The following RBFOX1 variants were observed in gnomAD, a reference collection of about 807,000 sequenced individuals.
The protein encoded by RBFOX1 is RNA binding protein fox-1 homolog 1.
Under a neutral mutation model 57.7 loss-of-function variants are expected in RBFOX1, and 8 were observed. The observed-to-expected ratio is 0.14, with a 90% CI of 0.08 to 0.25. RBFOX1 has a LOEUF of 0.25. RBFOX1 is among the 10% of genes least tolerant of loss of function. The probability of loss-of-function intolerance (pLI) is 1.00; values close to 1 mark genes in which losing one functional copy is unlikely to be tolerated. For missense variants in RBFOX1, 611 were observed against 548.5 expected (o/e 1.11, Z -1.14); for synonymous variants, 326 against 222.4 (o/e 1.47, Z -4.15).
intron 2 of RBFOX1, among the ~76,000 whole-genome samples, chr16:6,616,537 A>G (rs12926114): frequency 0.19 from 28,274 of 152,148 alleles, 3,076 homozygotes; most frequent in Middle Eastern, 0.24. Context: ...TTAGCCAGGC[A>G]TGGTGGCGGG....
In RBFOX1 at chr16:5,689,517, T is replaced by C. The variant is rs116678835; in HGVS notation, c.318+90556T>C. On this transcript the variant is annotated intron_variant, in intron 3 of 19. Transcript: ENST00000641259. The stretch of plus-strand genomic sequence containing the variant: ...AAGATTGTCTGGTATGTGGGAAATA[T>C]TACACTGAACTGAATAGGAGGTCTT... 6.9e-3 allele frequency among the ~76,000 whole-genome samples: 1,049 copies of C among 152,244 alleles called. 10 individuals carry two copies. The highest frequency in any genetic ancestry group is 0.023 in the African/African-American group (955 of 41,534).
intron 3 of RBFOX1, among the ~76,000 whole-genome samples, chr16:6,996,081 G>C (rs1469138879): frequency 6.6e-6 from 1 of 152,190 alleles, no homozygotes; most frequent in South Asian, 2.1e-4. Flanking sequence ...AAGACCATCA[G>C]TGATCCAAGT....
intron 12 of RBFOX1, among the ~76,000 whole-genome samples, chr16:7,661,759 T>C (rs740677): frequency 0.52 from 78,635 of 152,096 alleles, 21,618 homozygotes; most frequent in Non-Finnish European, 0.62. Context: ...AGTATGTATT[T>C]GGCTTGTTTG....
intron 1 of RBFOX1, among the ~76,000 whole-genome samples, chr16:6,082,261 A>T (rs1597120153): frequency 7.1e-6 from 1 of 140,776 alleles, no homozygotes; most frequent in Admixed American, 7.3e-5. Flanking sequence ...GCTCATTGCA[A>T]CCTCTGCCTC....
At chr16:7,184,858 T>C (rs1243263523) in intron 4 of RBFOX1, among the ~76,000 whole-genome samples, 1 of 152,174 alleles carries the variant, frequency 6.6e-6, no homozygotes, top group Non-Finnish European at 1.5e-5. Flanking sequence ...TGTGTTGAAG[T>C]GTTACTAACA....
intron 3 of RBFOX1, among the ~76,000 whole-genome samples, chr16:6,994,624 T>C (rs1416412235): frequency 1.3e-5 from 2 of 152,194 alleles, no homozygotes; most frequent in Non-Finnish European, 2.9e-5. Context: ...AGTGTTTTGA[T>C]TACATCAATA....
At chr16:6,336,607 A>C (rs1268685418) in intron 2 of RBFOX1, among the ~76,000 whole-genome samples, 1 of 152,106 alleles carries the variant, frequency 6.6e-6, no homozygotes, top group East Asian at 1.9e-4. Context: ...GCCTCATCAC[A>C]CACCACCCGG....
chr16:6,531,772 C>G (rs1567579390), intron 2 of RBFOX1, among the ~76,000 whole-genome samples: 1 of 152,102 alleles, frequency 6.6e-6, no homozygotes. Context: ...AAGTAATTAT[C>G]CTTCGTGTAT....
intron 4 of RBFOX1, among the ~76,000 whole-genome samples, chr16:7,115,219 A>C (rs1037158131): frequency 2.6e-5 from 4 of 152,196 alleles, no homozygotes; most frequent in African/African-American, 9.6e-5. Context: ...GGATGTAAGT[A>C]AGGGGTGGAC....
chr16:7,368,779 CA>C (rs5815399), intron 4 of RBFOX1, among the ~76,000 whole-genome samples: 25,014 of 126,964 alleles, frequency 0.2, 2,046 homozygotes, highest in Middle Eastern at 0.24. Context: ...GACTCTGTCT[CA>C]AAAAAAAAAA....
chr16:7,652,533 A>G (rs1054383514), intron 11 of RBFOX1, among the ~76,000 whole-genome samples: 1 of 152,112 alleles, frequency 6.6e-6, no homozygotes, highest in African/African-American at 2.4e-5. Context: ...TCAGCCTCCC[A>G]AGTAGCGGGA....
At chr16:5,929,348 A>T (rs1242636840) in intron 4 of RBFOX1, among the ~76,000 whole-genome samples, 1 of 151,596 alleles carries the variant, frequency 6.6e-6, no homozygotes, top group East Asian at 1.9e-4. Flanking sequence ...TTCTCTGCCC[A>T]CCACCCCCAA....
intron 4 of RBFOX1, among the ~76,000 whole-genome samples, chr16:5,882,769 A>G (rs1181548611): frequency 6.6e-6 from 1 of 152,166 alleles, no homozygotes; most frequent in Admixed American, 6.5e-5. Flanking sequence ...ATTTGACACA[A>G]TACATTACTG....
intron 2 of RBFOX1, among the ~76,000 whole-genome samples, chr16:6,348,108 A>G (rs1479028571): frequency 2.0e-5 from 3 of 152,078 alleles, no homozygotes. Context: ...GAGGGAGGTT[A>G]TAGCTTTATG....
intron 2 of RBFOX1, among the ~76,000 whole-genome samples, chr16:6,428,779 C>A (rs1270858960): frequency 6.6e-6 from 1 of 152,116 alleles, no homozygotes; most frequent in Admixed American, 6.5e-5. Context: ...CATTTTTATT[C>A]TATATAATAC....
chr16:7,043,735 C>G (rs1307512460), intron 3 of RBFOX1, among the ~76,000 whole-genome samples: 1 of 152,106 alleles, frequency 6.6e-6, no homozygotes, highest in Non-Finnish European at 1.5e-5. Flanking sequence ...TATTGTGTGT[C>G]TTCTGTTTCT....
chr16:6,957,778 G>T (rs1297313229), intron 3 of RBFOX1, among the ~76,000 whole-genome samples: 2 of 152,112 alleles, frequency 1.3e-5, no homozygotes, highest in Non-Finnish European at 2.9e-5. Context: ...TGACTGTTGG[G>T]CTGGGATACC....
intron 3 of RBFOX1, among the ~76,000 whole-genome samples, chr16:5,764,975 C>T (rs984444453): frequency 1.3e-5 from 2 of 152,130 alleles, no homozygotes; most frequent in African/African-American, 4.8e-5. Flanking sequence ...GCCCAAGTCT[C>T]CTTGGGCTGC....
intron 2 of RBFOX1, among the ~76,000 whole-genome samples, chr16:6,582,166 A>G (rs964628508): frequency 6.6e-6 from 1 of 152,226 alleles, no homozygotes; most frequent in Non-Finnish European, 1.5e-5. Context: ...TTGTAAATAT[A>G]AAACACAATT....
Sources: gnomAD v4.1 joint callset for allele counts (sites outside exome capture counted in the v4.1 genomes callset) on GRCh38, gnomAD v4.1.1 for gene constraint, MANE v1.5 for transcripts, NCBI Gene and HGNC (gene_info 2026-07-23, HGNC 2026-07-21) for gene names.